The following TAFA2 variants were observed in gnomAD, a reference collection of about 807,000 sequenced individuals.
TAFA2 encodes the protein TAFA chemokine like family member 2.
In TAFA2, 7 loss-of-function variants were observed where a neutral mutation model predicts 18.8. That is an observed-to-expected ratio of 0.37 (90% CI 0.21 to 0.70). TAFA2 has a LOEUF of 0.70. TAFA2 is among the 30% of genes least tolerant of loss of function. The probability of loss-of-function intolerance (pLI) is 0.53; values close to 1 mark genes in which losing one functional copy is unlikely to be tolerated. For synonymous variants in TAFA2, 60 were observed against 54.2 expected (o/e 1.11, Z -0.47); for missense variants, 122 against 158.1 (o/e 0.77, Z 1.23).
intron 1 of TAFA2, among the ~76,000 whole-genome samples, chr12:62,249,579 T>C (rs1167611616): frequency 6.6e-6 from 1 of 152,172 alleles, no homozygotes; most frequent in Non-Finnish European, 1.5e-5. Flanking sequence ...AGTTTCTTCC[T>C]CTTTGCCTGA....
intron 2 of TAFA2, among the ~76,000 whole-genome samples, chr12:61,770,631 T>C (rs987555426): frequency 1.3e-5 from 2 of 152,212 alleles, no homozygotes; most frequent in South Asian, 4.1e-4. Flanking sequence ...TTGTATCCAG[T>C]GAAACTAAGC....
Position 62,214,301 on chromosome 12 carries a change from G to A in TAFA2, c.-130+44462C>T, listed in dbSNP as rs570341316. ...TCTTTCCTGTGCTGTTTTCATGATA[G>A]GGAATAAGTCTCACGAGATCTGATG... is the stretch of plus-strand genomic sequence containing the variant. On this transcript the variant is annotated intron_variant, in intron 1 of 5. Transcript: ENST00000551619. Among the ~76,000 whole-genome samples, 32 of 152,194 alleles carry A rather than the reference G, an allele frequency of 2.1e-4. No individual in the cohort carries two copies. The South Asian group carries it at 6.6e-3, about 32-fold the overall frequency.
chr12:61,998,069 T>C (rs1880259306), intron 1 of TAFA2, among the ~76,000 whole-genome samples: 1 of 152,086 alleles, frequency 6.6e-6, no homozygotes, highest in Non-Finnish European at 1.5e-5. Flanking sequence ...AAATCCTAGA[T>C]ACACTGCTCT....
At chr12:61,724,586 C>T (rs973770534) in intron 4 of TAFA2, among the ~76,000 whole-genome samples, 2 of 152,056 alleles carry the variant, frequency 1.3e-5, no homozygotes, top group African/African-American at 4.8e-5. Flanking sequence ...CATTCCTATG[C>T]CTTTGTGTCT....
intron 2 of TAFA2, among the ~76,000 whole-genome samples, chr12:61,808,429 G>A (rs568987784): frequency 6.6e-6 from 1 of 151,456 alleles, no homozygotes; most frequent in East Asian, 1.9e-4. Context: ...CATGAAAATG[G>A]ACTAATACAG....
At chr12:62,231,144 C>A (rs1227426235) in intron 1 of TAFA2, among the ~76,000 whole-genome samples, 1 of 152,130 alleles carries the variant, frequency 6.6e-6, no homozygotes, top group Non-Finnish European at 1.5e-5. Flanking sequence ...GTGTTGAAGT[C>A]CCATACTATT....
intron 1 of TAFA2, among the ~76,000 whole-genome samples, chr12:62,100,440 T>G (rs1592334974): frequency 6.6e-6 from 1 of 152,288 alleles, no homozygotes; most frequent in East Asian, 1.9e-4. Context: ...AAAGTGGCTG[T>G]ATTTATACCC....
intron 2 of TAFA2, among the ~76,000 whole-genome samples, chr12:61,788,819 C>G (rs1870850559): frequency 6.6e-6 from 1 of 151,706 alleles, no homozygotes; most frequent in African/African-American, 2.4e-5. Context: ...ACACACAAAA[C>G]TATCAAGATT....
chr12:61,893,465 G>A (rs1875717763), intron 1 of TAFA2, among the ~76,000 whole-genome samples: 1 of 152,340 alleles, frequency 6.6e-6, no homozygotes, highest in East Asian at 1.9e-4. Context: ...AGGACGATGT[G>A]TGTGTGAAAT....
At chr12:62,014,447 G>A (rs1469467285) in intron 1 of TAFA2, among the ~76,000 whole-genome samples, 1 of 152,058 alleles carries the variant, frequency 6.6e-6, no homozygotes, top group East Asian at 1.9e-4. Context: ...TGGGCAACAT[G>A]GTTAAGCCCC....
Position 61,710,241 on chromosome 12 carries a change from A to G in TAFA2, c.*165T>C. ...ATGCAAGTTCATGTCTGACTTTTAA[A>G]AAGTCTTGATTTCAAGAAGAGGCCA... On this transcript the variant is annotated 3_prime_UTR_variant, in exon 5 of 5. Transcript: ENST00000416284. 1.6e-6 allele frequency: 1 copy of G among 616,220 alleles called. No homozygotes were observed. The highest frequency in any genetic ancestry group is 2.7e-5 in the East Asian group (1 of 36,958). 38.2% of individuals were successfully genotyped at this position (616,220 alleles called of 1,614,324 possible). A position where few individuals can be genotyped will look rare whatever the true frequency, so the allele number is the denominator to read the frequency against.
intron 2 of TAFA2, among the ~76,000 whole-genome samples, chr12:61,836,321 T>C (rs544033589): frequency 1.3e-5 from 2 of 152,052 alleles, no homozygotes; most frequent in South Asian, 4.1e-4. Context: ...AAAAGATTTT[T>C]AAAATGGTGA....
intron 1 of TAFA2, among the ~76,000 whole-genome samples, chr12:62,166,535 T>A (rs1351341391): frequency 6.6e-6 from 1 of 152,172 alleles, no homozygotes; most frequent in Non-Finnish European, 1.5e-5. Flanking sequence ...CAACTTTTGC[T>A]TCCTTTCCCT....
intron 2 of TAFA2, among the ~76,000 whole-genome samples, chr12:61,812,570 C>CT (rs748488387): frequency 0.012 from 1,667 of 140,008 alleles, 47 homozygotes; most frequent in African/African-American, 0.024. Flanking sequence ...ATGTTCCCAT[C>CT]TTTTTTTTTT....
intron 1 of TAFA2, among the ~76,000 whole-genome samples, chr12:62,160,997 G>A (rs565717721): frequency 1.7e-4 from 26 of 152,250 alleles, no homozygotes; most frequent in African/African-American, 5.8e-4. Flanking sequence ...ATAAAAATCT[G>A]TCAAGTCTGC....
chr12:61,908,905 G>T (rs1031839613), intron 1 of TAFA2, among the ~76,000 whole-genome samples: 3 of 152,110 alleles, frequency 2.0e-5, no homozygotes, highest in African/African-American at 7.2e-5. Context: ...AAACCAAAAT[G>T]ATATCAGCTT....
chr12:61,780,074 G>A (rs534954751), intron 2 of TAFA2, among the ~76,000 whole-genome samples: 9 of 151,870 alleles, frequency 5.9e-5, no homozygotes, highest in African/African-American at 1.7e-4. Flanking sequence ...AGATGCAAAT[G>A]AAAACAATGT....
intron 1 of TAFA2, among the ~76,000 whole-genome samples, chr12:62,137,580 A>T (rs1191506157): frequency 6.6e-6 from 1 of 152,052 alleles, no homozygotes; most frequent in Non-Finnish European, 1.5e-5. Context: ...TGCTTGGAAA[A>T]CACGTTAGAG....
At chr12:62,203,210 T>C (rs747591030) in intron 1 of TAFA2, among the ~76,000 whole-genome samples, 6 of 152,360 alleles carry the variant, frequency 3.9e-5, no homozygotes, top group South Asian at 4.1e-4. Flanking sequence ...GACTGTTTGT[T>C]ATGATTTTGG....
Sources: gnomAD v4.1 joint callset for allele counts (sites outside exome capture counted in the v4.1 genomes callset) on GRCh38, gnomAD v4.1.1 for gene constraint, MANE v1.5 for transcripts, NCBI Gene and HGNC (gene_info 2026-07-23, HGNC 2026-07-21) for gene names.